Variants in SLC17A1 observed in about 807,000 individuals in gnomAD.
SLC17A1 encodes the protein sodium-dependent phosphate transport protein 1.
In SLC17A1, 51 loss-of-function variants were observed where a neutral mutation model predicts 53.5. The ratio of observed to expected loss-of-function variants is 0.95; its 90% CI spans 0.76 to 1.20. The LOEUF (loss-of-function observed/expected upper bound fraction) is 1.20. SLC17A1 is among the 50% of genes most tolerant of loss of function. The pLI is 0.00. For synonymous variants in SLC17A1, 179 were observed against 198.8 expected, an observed-to-expected ratio of 0.90 and a Z score of 0.84; for missense variants, 538 against 568.2, an observed-to-expected ratio of 0.95 and a Z score of 0.54.
At chr6:25,773,262 C>A in the SLC17A1 span, 1 of 1,599,684 alleles carries the variant, frequency 6.3e-7, no homozygotes, top group Non-Finnish European at 8.6e-7. Flanking sequence ...CTAACTGGAT[C>A]CCCTTTTCCT....
intron 6 of SLC17A1, among the ~76,000 whole-genome samples, chr6:25,815,083 A>C (rs149010016): frequency 6.6e-6 from 1 of 151,834 alleles, no homozygotes; most frequent in African/African-American, 2.4e-5. Flanking sequence ...TGTAATATAC[A>C]TGTAATAAAA....
chr6:25,726,951 G>T, the SLC17A1 span: 2 of 1,613,966 alleles, frequency 1.2e-6, no homozygotes, highest in Non-Finnish European at 1.7e-6. Flanking sequence ...TTCCAAGAAG[G>T]GCTTTAAGAA....
chr6:25,824,179 A>T (rs1764658981), intron 3 of SLC17A1, among the ~76,000 whole-genome samples: 1 of 151,944 alleles, frequency 6.6e-6, no homozygotes, highest in South Asian at 2.1e-4. Context: ...TTATGCAAAG[A>T]TTTCTTATAT....
the SLC17A1 span, among the ~76,000 whole-genome samples, chr6:25,766,855 A>G: frequency 6.6e-6 from 1 of 152,246 alleles, no homozygotes; most frequent in African/African-American, 2.4e-5. Context: ...GTCATACCAA[A>G]GAAGAGCCCA....
intron 12 of SLC17A1, among the ~76,000 whole-genome samples, chr6:25,789,162 T>A (rs10214468): frequency 0.19 from 28,156 of 152,040 alleles, 3,615 homozygotes; most frequent in African/African-American, 0.37. Context: ...TGAGGACTGA[T>A]TTCAGGGCTT....
chr6:25,758,300 A>G, the SLC17A1 span, among the ~76,000 whole-genome samples: 3 of 152,236 alleles, frequency 2.0e-5, no homozygotes, highest in South Asian at 6.2e-4. Context: ...AATACCTGAC[A>G]GAGAATACCA....
chr6:25,776,641 T>A, the SLC17A1 span: 1 of 1,613,748 alleles, frequency 6.2e-7, no homozygotes, highest in African/African-American at 1.3e-5. Context: ...TGTATCTGCA[T>A]TATCCTTGGA....
intron 10 of SLC17A1, among the ~76,000 whole-genome samples, chr6:25,810,366 A>G (rs1038137510): frequency 6.6e-6 from 1 of 152,142 alleles, no homozygotes; most frequent in Non-Finnish European, 1.5e-5. Context: ...CTATACATAT[A>G]ATAAGCGGTT....
chr6:25,743,869 T>C, the SLC17A1 span, among the ~76,000 whole-genome samples: 1 of 152,218 alleles, frequency 6.6e-6, no homozygotes, highest in Non-Finnish European at 1.5e-5. Context: ...AGCAGATATA[T>C]GTACAAAAGT....
chr6:25,755,676 C>T, the SLC17A1 span, among the ~76,000 whole-genome samples: 3 of 152,202 alleles, frequency 2.0e-5, no homozygotes, highest in Non-Finnish European at 4.4e-5. Context: ...TGATGACTCA[C>T]ACATTTATAT....
At chr6:25,756,852 G>A in the SLC17A1 span, among the ~76,000 whole-genome samples, 8 of 152,216 alleles carry the variant, frequency 5.3e-5, no homozygotes, top group Non-Finnish European at 8.8e-5. Flanking sequence ...CACTCGAAGA[G>A]TCTGTGTGGG....
At chr6:25,831,416 A>T (rs1345289889) in intron 1 of SLC17A1, among the ~76,000 whole-genome samples, 1 of 152,178 alleles carries the variant, frequency 6.6e-6, no homozygotes, top group Non-Finnish European at 1.5e-5. Flanking sequence ...ATTATCACAC[A>T]TTGGAACCTC....
At chr6:25,827,506 T>C (rs1764793169) in intron 2 of SLC17A1, among the ~76,000 whole-genome samples, 1 of 152,160 alleles carries the variant, frequency 6.6e-6, no homozygotes, top group South Asian at 2.1e-4. Flanking sequence ...TCTAGTTTTA[T>C]GAAGTTCAAA....
the SLC17A1 span, among the ~76,000 whole-genome samples, chr6:25,724,057 A>G: frequency 8.5e-5 from 13 of 152,258 alleles, no homozygotes; most frequent in African/African-American, 3.1e-4. Flanking sequence ...AACCCTTCTA[A>G]TATTTCCCCA....
the SLC17A1 span, among the ~76,000 whole-genome samples, chr6:25,743,726 C>A: frequency 6.6e-6 from 1 of 152,154 alleles, no homozygotes; most frequent in African/African-American, 2.4e-5. Flanking sequence ...ACTGAGCATG[C>A]ACATATGACA....
In SLC17A1 at chr6:25,811,485, C is replaced by G. The variant is rs777245172; in HGVS notation, c.1091G>C (p.Ser364Thr). 1 of 1,613,800 alleles carries G rather than the reference C, an allele frequency of 6.2e-7. No individual in the cohort carries two copies. Among genetic ancestry groups the G allele is most frequent in the Non-Finnish European group, 8.5e-7 (1 of 1,179,936 alleles). The change falls in exon 10 of 13, where the codon AGC (serine) becomes ACC (threonine). Residue 364 changes from serine to threonine, a missense_variant. Transcript: ENST00000244527. ...CLPYLSSTFY[S>T]IVIFLILAGA... Reference sequence around the variant, plus strand: ...AGCAAGTATTAGGAAAATGACAATGCTGTAGAAGGTGGAACTCAGGTAAGG... The same window carrying G: ...AGCAAGTATTAGGAAAATGACAATGGTGTAGAAGGTGGAACTCAGGTAAGG...
At chr6:25,830,671 A>G in intron 1 of SLC17A1, 64 bp from the exon 2 acceptor site, 1 of 1,048,202 alleles carries the variant, frequency 9.5e-7, no homozygotes, top group Non-Finnish European at 1.4e-6. Context: ...AACACTACCC[A>G]GTACTCCTCT....
chr6:25,726,089 T>A, the SLC17A1 span: 1 of 1,481,100 alleles, frequency 6.8e-7, no homozygotes, highest in Non-Finnish European at 9.0e-7. Context: ...GAGCCTTTTG[T>A]TTTTTCTGAC....
downstream of SLC17A1, chr6:25,778,958 G>A (rs1449660861): frequency 1.7e-5 from 26 of 1,504,934 alleles, no homozygotes; most frequent in African/African-American, 2.8e-5. Flanking sequence ...AGTGGAGGTC[G>A]GGGAGGGAGC....
Sources: allele counts gnomAD v4.1 joint callset (sites outside exome capture counted in the v4.1 genomes callset), GRCh38; gene constraint gnomAD v4.1.1; transcripts MANE v1.5; gene names NCBI Gene and HGNC (gene_info 2026-07-23, HGNC 2026-07-21).